The following LIN7C variants were observed in gnomAD, a reference collection of about 807,000 sequenced individuals.
LIN7C encodes the protein protein lin-7 homolog C.
In LIN7C, 17 loss-of-function variants were observed where a neutral mutation model predicts 24.7. The observed-to-expected ratio is 0.69, with a 90% CI of 0.47 to 1.03. LIN7C has a LOEUF of 1.03. LIN7C is among the 50% of genes least tolerant of loss of function. The pLI is 0.00. For missense variants in LIN7C, 204 were observed against 239.0 expected, an observed-to-expected ratio of 0.85 and a Z score of 0.97; for synonymous variants, 90 against 83.4, an observed-to-expected ratio of 1.08 and a Z score of -0.43.
rs1186689387 is a variant in LIN7C, at chr11:27,496,428, AC to A, written c.*2220del. 4 of 152,164 alleles carry A rather than the reference AC, an allele frequency of 2.6e-5. No individual in the cohort carries two copies. Among genetic ancestry groups the A allele is most frequent in the African/African-American group, 9.7e-5 (4 of 41,434 alleles). The allele number at this position is 152,164 out of a possible 1,614,324, so 9.4% of individuals were successfully genotyped here. On this transcript the variant is annotated 3_prime_UTR_variant, in exon 5 of 5. Coordinates refer to ENST00000278193, the MANE Select transcript of LIN7C (RefSeq NM_018362.4). ...AAAATTCCCATCATTTCCTCACTGC[AC>A]TAAACCACCACTGTACATCTTTGCC...
At chr11:27,500,009 A>G (rs1865208068) in intron 3 of LIN7C, among the ~76,000 whole-genome samples, 1 of 152,220 alleles carries the variant, frequency 6.6e-6, no homozygotes, top group Non-Finnish European at 1.5e-5. Context: ...GATTCTGAGA[A>G]GGTAAGCTAA....
At chr11:27,500,279 T>G (rs1865211110) in intron 3 of LIN7C, among the ~76,000 whole-genome samples, 1 of 152,326 alleles carries the variant, frequency 6.6e-6, no homozygotes, top group Non-Finnish European at 1.5e-5. Flanking sequence ...GGAGCCTTTG[T>G]GCAGGACACA....
chr11:27,505,250 T>C (rs939504926), intron 1 of LIN7C, among the ~76,000 whole-genome samples: 9 of 152,176 alleles, frequency 5.9e-5, no homozygotes, highest in Admixed American at 5.9e-4. Context: ...GAGAATTGCT[T>C]GAACCCGGGA....
At chr11:27,503,362 C>T (rs975462064) in intron 1 of LIN7C, among the ~76,000 whole-genome samples, 1 of 152,112 alleles carries the variant, frequency 6.6e-6, no homozygotes, top group South Asian at 2.1e-4. Context: ...ACTACAATGC[C>T]CAGTATTCTA....
At position 27,501,545 on chromosome 11, in the gene LIN7C, T is replaced by G; in HGVS notation, c.178A>C (p.Thr60Pro). The G allele has an allele frequency of 6.3e-7, 1 of 1,596,294 alleles. No individual in the cohort carries two copies. Among genetic ancestry groups the G allele is most frequent in the Non-Finnish European group, 8.5e-7 (1 of 1,173,160 alleles). ...VREVYEHVYETVDISSSPEVR... is the reference protein window; with the variant it reads ...VREVYEHVYEPVDISSSPEVR... ...TCAGGACTGCTACTGATGTCCACAGTCTCATAGACATGTTCATATACCTGT... is the reference window on the plus strand; with the variant it reads ...TCAGGACTGCTACTGATGTCCACAGGCTCATAGACATGTTCATATACCTGT... The change falls in exon 3 of 5, where the codon ACT becomes CCT. Residue 60 changes from threonine to proline, a missense_variant. Thr to Pro is a conservative substitution (Grantham distance 38). Around this residue, in one of 3 missense-constraint regions of LIN7C, gnomAD observed 126 missense variants for 117.8 expected, o/e 1.07. Coordinates refer to ENST00000278193, the MANE Select transcript of LIN7C (RefSeq NM_018362.4).
rs1479372838 is a variant in LIN7C, at chr11:27,505,341, A to T, written c.37+1375T>A. Reference sequence around the variant, plus strand: ...AGCAAGACTACGTCTCCAAACAGCAACAACAAAAACACAAAAGACCAATAC... The same window carrying T: ...AGCAAGACTACGTCTCCAAACAGCATCAACAAAAACACAAAAGACCAATAC... On this transcript the variant is annotated intron_variant, in intron 1 of 4. Transcript: ENST00000278193. Among the ~76,000 whole-genome samples the T allele has an allele frequency of 3.3e-5, 5 of 152,232 alleles. No individual in the cohort carries two copies. The East Asian group carries it at 7.7e-4, about 23-fold the overall frequency.
Position 27,498,807 on chromosome 11 carries a change from A to C in LIN7C, c.439-3T>G. On this transcript the variant is annotated splice_polypyrimidine_tract_variant and splice_region_variant and intron_variant, in intron 4 of 4. Coordinates refer to ENST00000278193, the MANE Select transcript of LIN7C (RefSeq NM_018362.4). ...TCATGATGTTCTCCTTCAACACTCT[A>C]GGGGAAAAAAAAACAACCAACCATA... 1.2e-6 allele frequency: 2 copies of C among 1,608,254 alleles called. No homozygotes were observed. Among genetic ancestry groups the C allele is most frequent in the Non-Finnish European group, 1.7e-6 (2 of 1,178,280 alleles).
chr11:27,498,913 T>C (rs1342643510), intron 4 of LIN7C, 109 bp from the exon 5 acceptor site: 3 of 919,316 alleles, frequency 3.3e-6, no homozygotes, highest in Non-Finnish European at 5.0e-6. Context: ...TTTAATGTTA[T>C]ATTATTCCAA....
chr11:27,498,538 A>G lies in LIN7C; in HGVS notation c.*111T>C. On this transcript the variant is annotated 3_prime_UTR_variant, in exon 5 of 5. Coordinates refer to ENST00000278193, the MANE Select transcript of LIN7C (RefSeq NM_018362.4). The stretch of plus-strand genomic sequence containing the variant: ...TTTATAAAATGACAAGGAGAATTTC[A>G]TGATAAATTTGTTTGTTTTCTTACA... The G allele has an allele frequency of 3.0e-6, 3 of 985,838 alleles. No individual in the cohort carries two copies. The highest frequency in any genetic ancestry group is 4.6e-6 in the Non-Finnish European group (3 of 658,328). The allele number at this position is 985,838 out of a possible 1,614,324, so 61.1% of individuals were successfully genotyped here. A position where few individuals can be genotyped will look rare whatever the true frequency, so the allele number is the denominator to read the frequency against.
chr11:27,502,625 A>C (rs1352797629), intron 1 of LIN7C, among the ~76,000 whole-genome samples: 1 of 152,194 alleles, frequency 6.6e-6, no homozygotes, highest in Non-Finnish European at 1.5e-5. Context: ...TCTCAATACC[A>C]CCTGTGTGAC....
Position 27,500,732 on chromosome 11 carries a change from G to A in LIN7C, c.228+763C>T, listed in dbSNP as rs143888499. ...AAAAAGGCCTCATTTTTCAGATAATGGAATTAAGGCTCAGAAATTCAGTAG... is the reference window on the plus strand; with the variant it reads ...AAAAAGGCCTCATTTTTCAGATAATAGAATTAAGGCTCAGAAATTCAGTAG... On this transcript the variant is annotated intron_variant, in intron 3 of 4. Transcript: ENST00000278193. Among the ~76,000 whole-genome samples the A allele has an allele frequency of 1.2e-4, 19 of 152,198 alleles. No individual in the cohort carries two copies. The East Asian group carries it at 3.7e-3, about 29-fold the overall frequency.
chr11:27,501,274 T>G (rs1261580826), intron 3 of LIN7C, among the ~76,000 whole-genome samples: 1 of 152,164 alleles, frequency 6.6e-6, no homozygotes, highest in East Asian at 1.9e-4. Context: ...TTGCATTATC[T>G]AAACTGCATG....
intron 1 of LIN7C, among the ~76,000 whole-genome samples, chr11:27,505,441 AAC>A (rs1180583224): frequency 6.6e-6 from 1 of 152,222 alleles, no homozygotes; most frequent in Non-Finnish European, 1.5e-5. Context: ...CCATCTATAA[AAC>A]ACAGTGCCAC....
At position 27,496,623 on chromosome 11, in the gene LIN7C, C is replaced by T. The variant is rs1865173426; in HGVS notation, c.*2026G>A. ...TATTTTAAGAATTATAAATAGGTGT[C>T]AACCCACACAAAGAACAGATTGTGG... On this transcript the variant is annotated 3_prime_UTR_variant, in exon 5 of 5. Transcript: ENST00000278193. 6.6e-6 allele frequency: 1 copy of T among 152,076 alleles called. No individual in the cohort carries two copies. The highest frequency in any genetic ancestry group is 6.6e-5 in the Admixed American group (1 of 15,250). 9.4% of individuals were successfully genotyped at this position (152,076 alleles called of 1,614,324 possible).
At position 27,495,348 on chromosome 11, in the gene LIN7C, G is replaced by T. The variant is rs950091817; in HGVS notation, c.*3301C>A. Reference sequence around the variant, plus strand: ...CCGGGAGAGGTGGCACACGCCTGTAGTCCTAGCTACTCGGGAGGCTGAGGC... The same window carrying T: ...CCGGGAGAGGTGGCACACGCCTGTATTCCTAGCTACTCGGGAGGCTGAGGC... On this transcript the variant is annotated 3_prime_UTR_variant, in exon 5 of 5. Coordinates refer to ENST00000278193, the MANE Select transcript of LIN7C (RefSeq NM_018362.4). 6.6e-6 allele frequency: 1 copy of T among 152,264 alleles called. No individual in the cohort carries two copies. The highest frequency in any genetic ancestry group is 1.5e-5 in the Non-Finnish European group (1 of 68,230). 9.4% of individuals were successfully genotyped at this position (152,264 alleles called of 1,614,324 possible).
In LIN7C at chr11:27,498,459, T is replaced by C. The variant is rs369672861; in HGVS notation, c.*190A>G. ...GCCCTCATCACCTTTTACTTTTTCT[T>C]GTCAGAAAAAAGTGTATGCATCTCT... On this transcript the variant is annotated 3_prime_UTR_variant, in exon 5 of 5. Transcript: ENST00000278193. The C allele has an allele frequency of 2.6e-4, 142 of 537,808 alleles. No homozygotes were observed. In the South Asian group the frequency reaches 4.3e-3, roughly 16 times the overall value. 33.3% of individuals were successfully genotyped at this position (537,808 alleles called of 1,614,324 possible). A position where few individuals can be genotyped will look rare whatever the true frequency, so the allele number is the denominator to read the frequency against.
Position 27,498,550 on chromosome 11 carries a change from T to G in LIN7C, c.*99A>C. ...CAAGGAGAATTTCATGATAAATTTG[T>G]TTGTTTTCTTACAATCATTGGCATT... On this transcript the variant is annotated 3_prime_UTR_variant, in exon 5 of 5. Coordinates refer to ENST00000278193, the MANE Select transcript of LIN7C (RefSeq NM_018362.4). 1 of 1,097,070 alleles carries G rather than the reference T, an allele frequency of 9.1e-7. No individual in the cohort carries two copies. Among genetic ancestry groups the G allele is most frequent in the Non-Finnish European group, 1.3e-6 (1 of 754,418 alleles). 68.0% of individuals were successfully genotyped at this position (1,097,070 alleles called of 1,614,324 possible).
intron 1 of LIN7C, among the ~76,000 whole-genome samples, chr11:27,503,917 A>C (rs935678850): frequency 1.3e-5 from 2 of 152,138 alleles, no homozygotes; most frequent in African/African-American, 2.4e-5. Context: ...TCCAGGGTTC[A>C]AGTGATTCTC....
chr11:27,504,469 T>C (rs1368767724), intron 1 of LIN7C, among the ~76,000 whole-genome samples: 1 of 152,156 alleles, frequency 6.6e-6, no homozygotes, highest in African/African-American at 2.4e-5. Flanking sequence ...TACTGTAGGA[T>C]TTTCTACTTT....
Sources: allele counts gnomAD v4.1 joint callset (sites outside exome capture counted in the v4.1 genomes callset), GRCh38; gene constraint gnomAD v4.1.1; regional missense constraint gnomAD v4.1.1; transcripts MANE v1.5; gene names NCBI Gene and HGNC (gene_info 2026-07-23, HGNC 2026-07-21).